The following DGKB variants were observed in gnomAD, a reference collection of about 807,000 sequenced individuals.
DGKB encodes 90 kDa diacylglycerol kinase.
DGKB carries 67 observed loss-of-function variants against 114.3 expected under a neutral mutation model. The ratio of observed to expected loss-of-function variants is 0.59; its 90% CI spans 0.48 to 0.72. The LOEUF (loss-of-function observed/expected upper bound fraction) is 0.72, where lower values mean the gene tolerates loss of function less well. DGKB is among the 30% of genes least tolerant of loss of function. The probability of loss-of-function intolerance (pLI) is 0.00; values close to 1 mark genes in which losing one functional copy is unlikely to be tolerated. For synonymous variants in DGKB, 398 were observed against 323.1 expected (o/e 1.23, Z -2.49); for missense variants, 907 against 975.2 (o/e 0.93, Z 0.93).
intron 23 of DGKB, among the ~76,000 whole-genome samples, chr7:14,231,573 T>C (rs1300080603): frequency 6.9e-6 from 1 of 144,628 alleles, no homozygotes; most frequent in Non-Finnish European, 1.5e-5. Context: ...ATATTTTATG[T>C]GTGTATATGT....
intron 20 of DGKB, among the ~76,000 whole-genome samples, chr7:14,533,344 A>G (rs894799900): frequency 6.6e-6 from 1 of 151,770 alleles, no homozygotes; most frequent in Non-Finnish European, 1.5e-5. Flanking sequence ...AAATTCTCCG[A>G]TCATAAAAGC....
intron 23 of DGKB, among the ~76,000 whole-genome samples, chr7:14,180,109 AAAC>A (rs1210620138): frequency 1.5e-4 from 23 of 152,136 alleles, no homozygotes; most frequent in African/African-American, 5.1e-4. Context: ...GATATTTATA[AAAC>A]AACAACTACC....
chr7:14,353,542 T>G (rs1464288108), intron 21 of DGKB, among the ~76,000 whole-genome samples: 1 of 152,210 alleles, frequency 6.6e-6, no homozygotes, highest in East Asian at 1.9e-4. Context: ...TGGACAGAGC[T>G]GAACTGGCTC....
intron 22 of DGKB, among the ~76,000 whole-genome samples, chr7:14,341,902 A>C (rs1811664280): frequency 6.6e-6 from 1 of 151,888 alleles, no homozygotes; most frequent in Admixed American, 6.6e-5. Context: ...ATTAATGATA[A>C]ACTGTAATTT....
chr7:14,962,632 G>C (rs1366718444), intron 1 of DGKB, among the ~76,000 whole-genome samples: 1 of 136,094 alleles, frequency 7.3e-6, no homozygotes, highest in Non-Finnish European at 1.6e-5. Flanking sequence ...GTGTGTGTGT[G>C]TGTTTGTGTG....
At chr7:14,939,533 C>A (rs1423966533) in intron 1 of DGKB, among the ~76,000 whole-genome samples, 1 of 151,164 alleles carries the variant, frequency 6.6e-6, no homozygotes, top group Non-Finnish European at 1.5e-5. Context: ...AAGTTGAAAG[C>A]ATGTTCCCTG....
chr7:14,760,656 G>A (rs917181566), intron 2 of DGKB, among the ~76,000 whole-genome samples: 1 of 151,836 alleles, frequency 6.6e-6, no homozygotes, highest in Non-Finnish European at 1.5e-5. Context: ...CATATCTCGA[G>A]AGACTATGTT....
At chr7:14,235,884 C>T (rs1175127452) in intron 23 of DGKB, among the ~76,000 whole-genome samples, 2 of 152,008 alleles carry the variant, frequency 1.3e-5, no homozygotes, top group South Asian at 2.1e-4. Flanking sequence ...AAATAATGGA[C>T]CACCTTTCTG....
chr7:14,324,274 T>C (rs1308667895), intron 23 of DGKB, among the ~76,000 whole-genome samples: 2 of 151,496 alleles, frequency 1.3e-5, no homozygotes, highest in African/African-American at 4.8e-5. Context: ...CATGGTGAAA[T>C]TGTCTCTACT....
At chr7:14,789,235 T>C (rs1200008333) in intron 2 of DGKB, among the ~76,000 whole-genome samples, 1 of 152,142 alleles carries the variant, frequency 6.6e-6, no homozygotes, top group Non-Finnish European at 1.5e-5. Flanking sequence ...GACATTGATA[T>C]GATCAATAAA....
At position 14,779,793 on chromosome 7, in the gene DGKB, G is replaced by T. The variant is rs560693584; in HGVS notation, c.71-22062C>A. On this transcript the variant is annotated intron_variant, in intron 2 of 25. Transcript: ENST00000402815. ...GTTATATTTCTGGTTTTAGTCTTCT[G>T]ATTGGCACTTTATAACTGTAAATAT... 2.0e-3 allele frequency among the ~76,000 whole-genome samples: 302 copies of T among 152,124 alleles called. 2 individuals carry two copies. The highest frequency in any genetic ancestry group is 7.2e-3 in the African/African-American group (297 of 41,484).
In DGKB at chr7:14,693,689, C is replaced by T. The variant is rs559801450; in HGVS notation, c.711+386G>A. 3.5e-4 allele frequency among the ~76,000 whole-genome samples: 53 copies of T among 151,654 alleles called. 1 individual carries two copies. The highest frequency in any genetic ancestry group is 1.3e-3 in the African/African-American group (53 of 41,392). ...TATCAGTTTTCAATAAAATAGATTA[C>T]CTTTATAGGTAGGAGGAACATTGAA... is the stretch of plus-strand genomic sequence containing the variant. On this transcript the variant is annotated intron_variant, in intron 9 of 25. Coordinates refer to ENST00000402815, the MANE Select transcript of DGKB (RefSeq NM_001350709.2).
chr7:14,383,699 C>T (rs1819859486), intron 21 of DGKB, among the ~76,000 whole-genome samples: 1 of 152,196 alleles, frequency 6.6e-6, no homozygotes, highest in African/African-American at 2.4e-5. Context: ...TTTCTTTAAG[C>T]ATTTGTCCTG....
intron 3 of DGKB, among the ~76,000 whole-genome samples, chr7:14,754,913 A>G (rs912551465): frequency 6.6e-6 from 1 of 152,036 alleles, no homozygotes; most frequent in Non-Finnish European, 1.5e-5. Context: ...CCTCTCCCCT[A>G]TGGCTTGGTC....
At chr7:14,258,409 T>C (rs1796259857) in intron 23 of DGKB, among the ~76,000 whole-genome samples, 1 of 152,230 alleles carries the variant, frequency 6.6e-6, no homozygotes, top group East Asian at 1.9e-4. Context: ...TTTTTAGATT[T>C]GTTGACTAGG....
chr7:14,878,630 T>C (rs1853691126), intron 1 of DGKB, among the ~76,000 whole-genome samples: 2 of 151,524 alleles, frequency 1.3e-5, no homozygotes, highest in Non-Finnish European at 3.0e-5. Context: ...GCGCCTGTAG[T>C]CCCAGCTACT....
At chr7:14,748,341 G>T (rs1833657642) in intron 4 of DGKB, among the ~76,000 whole-genome samples, 1 of 152,168 alleles carries the variant, frequency 6.6e-6, no homozygotes, top group African/African-American at 2.4e-5. Flanking sequence ...TTTCTTGGGG[G>T]AATGTGCTTG....
intron 23 of DGKB, chr7:14,191,916 G>A (rs1485584102): frequency 3.2e-6 from 2 of 628,180 alleles, no homozygotes; most frequent in Non-Finnish European, 5.5e-6. Context: ...TGCCAGTCTG[G>A]TAAAAAGCTG....
Position 14,522,026 on chromosome 7 carries a change from T to C in DGKB, c.1771-43801A>G, listed in dbSNP as rs184068462. Among the ~76,000 whole-genome samples, 48 of 152,310 alleles carry C rather than the reference T, an allele frequency of 3.2e-4. No homozygotes were observed. The East Asian group carries it at 5.0e-3, about 16-fold the overall frequency. ...TCTACTTTTGCTTTTTCTTATTCTT[T>C]ATTTTTAAGCTTTGCGTCCTAAGGG... is the stretch of plus-strand genomic sequence containing the variant. On this transcript the variant is annotated intron_variant, in intron 20 of 25. Transcript: ENST00000402815.
Sources: gnomAD v4.1 joint callset for allele counts (sites outside exome capture counted in the v4.1 genomes callset) on GRCh38, gnomAD v4.1.1 for gene constraint, MANE v1.5 for transcripts, NCBI Gene and HGNC (gene_info 2026-07-23, HGNC 2026-07-21) for gene names.